Variants in CMIP observed in about 807,000 individuals in gnomAD.
CMIP encodes the protein c-Maf inducing protein.
In CMIP, 13 loss-of-function variants were observed where a neutral mutation model predicts 97.3. That is an observed-to-expected ratio of 0.13 (90% CI 0.09 to 0.21). The LOEUF (loss-of-function observed/expected upper bound fraction) is 0.21, where lower values mean the gene tolerates loss of function less well. CMIP is among the 10% of genes least tolerant of loss of function. The pLI is 1.00. For missense variants in CMIP, 847 were observed against 1,024.9 expected (o/e 0.83, Z 2.37); for synonymous variants, 538 against 436.3 (o/e 1.23, Z -2.91).
chr16:81,513,618 C>T (rs964325116), intron 1 of CMIP, among the ~76,000 whole-genome samples: 14 of 152,320 alleles, frequency 9.2e-5, no homozygotes, highest in East Asian at 3.9e-4. Flanking sequence ...GGGAACCCCC[C>T]GGTCCGTTCT....
intron 1 of CMIP, among the ~76,000 whole-genome samples, chr16:81,584,091 A>G (rs141254073): frequency 4.8e-4 from 73 of 152,270 alleles, no homozygotes; most frequent in Non-Finnish European, 9.0e-4. Context: ...GGAGCGCCGA[A>G]TCCAAGGGAG....
chr16:81,606,649 A>T (rs1315417937), intron 1 of CMIP, among the ~76,000 whole-genome samples: 1 of 152,224 alleles, frequency 6.6e-6, no homozygotes, highest in African/African-American at 2.4e-5. Flanking sequence ...CACTGGGGAA[A>T]GAGTGGGAAC....
intron 1 of CMIP, among the ~76,000 whole-genome samples, chr16:81,596,130 A>G (rs182175911): frequency 3.3e-5 from 5 of 152,118 alleles, no homozygotes; most frequent in African/African-American, 1.2e-4. Context: ...GAGAAAGTGG[A>G]GGCTCAGAGA....
chr16:81,542,663 T>C (rs1369322060), intron 1 of CMIP, among the ~76,000 whole-genome samples: 1 of 152,140 alleles, frequency 6.6e-6, no homozygotes, highest in Non-Finnish European at 1.5e-5. Flanking sequence ...GTGAGGGCCC[T>C]CTTCCTGGCT....
At chr16:81,527,612 C>T (rs769614273) in intron 1 of CMIP, among the ~76,000 whole-genome samples, 31 of 152,196 alleles carry the variant, frequency 2.0e-4, no homozygotes, top group Non-Finnish European at 2.5e-4. Context: ...CTTCATCCTC[C>T]TCCCCCGCGA....
chr16:81,656,635 A>C (rs1005679596), intron 4 of CMIP, among the ~76,000 whole-genome samples: 3 of 152,200 alleles, frequency 2.0e-5, no homozygotes, highest in Admixed American at 6.5e-5. Context: ...GAAATGCTCC[A>C]AAGTCCAAAA....
chr16:81,644,503 G>A (rs1236743461), intron 3 of CMIP, among the ~76,000 whole-genome samples: 1 of 152,178 alleles, frequency 6.6e-6, no homozygotes. Flanking sequence ...AACACCCATG[G>A]GACAGTTATG....
At chr16:81,530,830 G>A (rs564583355) in intron 1 of CMIP, among the ~76,000 whole-genome samples, 1 of 152,020 alleles carries the variant, frequency 6.6e-6, no homozygotes, top group African/African-American at 2.4e-5. Context: ...CATTATCTTC[G>A]ATCAGTTCAG....
At chr16:81,523,380 C>T (rs535285018) in intron 1 of CMIP, among the ~76,000 whole-genome samples, 6 of 152,242 alleles carry the variant, frequency 3.9e-5, no homozygotes, top group East Asian at 3.9e-4. Context: ...CATCTGAGTG[C>T]GAGGCCTGAA....
chr16:81,631,677 G>T (rs1163174197), intron 3 of CMIP: 2 of 152,318 alleles, frequency 1.3e-5, no homozygotes, highest in Non-Finnish European at 2.9e-5. Flanking sequence ...ACTTTGCTGG[G>T]TGGTGTTCTG....
At chr16:81,525,409 C>CT (rs1200110044) in intron 1 of CMIP, among the ~76,000 whole-genome samples, 1 of 152,104 alleles carries the variant, frequency 6.6e-6, no homozygotes, top group Non-Finnish European at 1.5e-5. Context: ...TCCCAAAGTG[C>CT]TGGGATTACA....
At chr16:81,515,665 C>A (rs1446826959) in intron 1 of CMIP, among the ~76,000 whole-genome samples, 2 of 152,148 alleles carry the variant, frequency 1.3e-5, no homozygotes, top group African/African-American at 4.8e-5. Flanking sequence ...CTGCACCAGG[C>A]GCTATTCTAA....
chr16:81,522,685 G>A (rs770422615), intron 1 of CMIP, among the ~76,000 whole-genome samples: 3 of 152,126 alleles, frequency 2.0e-5, no homozygotes, highest in Admixed American at 6.5e-5. Context: ...TCATAAAATC[G>A]CATTTCTACC....
At position 81,444,956 on chromosome 16, in the gene CMIP, G is replaced by T. The variant is rs959518177; in HGVS notation, c.-286G>T. Among the ~76,000 whole-genome samples, 1 of 77,274 alleles carries T rather than the reference G, an allele frequency of 1.3e-5. No individual in the cohort carries two copies. Among genetic ancestry groups the T allele is most frequent in the Non-Finnish European group, 2.5e-5 (1 of 40,420 alleles). The allele number at this position is 77,274 out of a possible 152,430, so 50.7% of individuals were successfully genotyped here. A position where few individuals can be genotyped will look rare whatever the true frequency, so the allele number is the denominator to read the frequency against. ...CCCCGGCCCGCCCTCGGCCTCCCCC[G>T]CCCCTCCCCGTCGCCCGCCGAGCCC... On this transcript the variant is annotated 5_prime_UTR_variant, in exon 1 of 21. Transcript: ENST00000537098.
rs769010931 is a variant in CMIP at position 81,624,599 on chromosome 16, CT to C, written c.477+3674del. ...ATTCCCAACAGGGGCAGCATCACCC[CT>C]AATGGGACCAAAATTGGTTCCTTGA... On this transcript the variant is annotated intron_variant, in intron 3 of 20. Transcript: ENST00000537098. 3.3e-5 allele frequency among the ~76,000 whole-genome samples: 5 copies of C among 152,314 alleles called. No individual in the cohort carries two copies. The East Asian group carries it at 5.8e-4, about 18-fold the overall frequency.
rs1597286547 is a variant in CMIP, at chr16:81,710,078, TG to T, written c.*284del. On this transcript the variant is annotated 3_prime_UTR_variant, in exon 21 of 21. Transcript: ENST00000537098. ...AGCATCAGCGGGTCGGGGAGGGGTTTGGGGGTGGGCTGGGGGGTGGGGGACC... is the reference window on the plus strand; with the variant it reads ...AGCATCAGCGGGTCGGGGAGGGGTTTGGGGTGGGCTGGGGGGTGGGGGACC... 7.2e-4 allele frequency: 1 copy of T among 1,394 alleles called. No individual in the cohort carries two copies. The allele number at this position is 1,394 out of a possible 1,614,324, so 0.1% of individuals were successfully genotyped here.
At chr16:81,618,682 A>C (rs1206078121) in intron 2 of CMIP, 1 of 152,286 alleles carries the variant, frequency 6.6e-6, no homozygotes, top group African/African-American at 2.4e-5. Context: ...GGAATCAGCC[A>C]AAATGGGATT....
At chr16:81,505,088 G>C (rs1360606652) in intron 1 of CMIP, among the ~76,000 whole-genome samples, 1 of 152,206 alleles carries the variant, frequency 6.6e-6, no homozygotes, top group Non-Finnish European at 1.5e-5. Flanking sequence ...CATCAGTCGG[G>C]AGCCTTGCTC....
At position 81,701,701 on chromosome 16, in the gene CMIP, C is replaced by A. The variant is rs189649507; in HGVS notation, c.1797C>A (p.Asn599Lys). Residue 599 changes from asparagine (N) to lysine (K), a missense_variant, in exon 16 of 21, where the codon AAC becomes AAA. By Grantham distance (94) the Asn-to-Lys change is moderately conservative. Around this residue, in one of 4 missense-constraint regions of CMIP, gnomAD observed 266 missense variants for 384.2 expected, o/e 0.69. Transcript: ENST00000537098. The stretch of plus-strand genomic sequence containing the variant: ...TGGAATACAACATCATCGACAACAA[C>A]GACACCCAACTGCAGATCATCTCAA... ...LMLEYNIIDN[N>K]DTQLQIISTL... 4.3e-6 allele frequency: 7 copies of A among 1,613,900 alleles called. No individual in the cohort carries two copies. The East Asian group carries it at 1.3e-4, about 31-fold the overall frequency.
Sources: allele counts gnomAD v4.1 joint callset (sites outside exome capture counted in the v4.1 genomes callset), GRCh38; gene constraint gnomAD v4.1.1; regional missense constraint gnomAD v4.1.1; transcripts MANE v1.5; gene names NCBI Gene and HGNC (gene_info 2026-07-23, HGNC 2026-07-21).